The following ARL15 variants were observed in gnomAD, a reference collection of about 807,000 sequenced individuals.
ARL15 encodes ARF like GTPase 15, also known as ADP-ribosylation factor-like protein 15.
In ARL15, 19 loss-of-function variants were observed where a neutral mutation model predicts 25.2. The ratio of observed to expected loss-of-function variants is 0.75; its 90% CI spans 0.53 to 1.10. ARL15 has a LOEUF of 1.10. Among genes scored for constraint, ARL15 ranks in the 50% least tolerant of loss-of-function variants. The probability of loss-of-function intolerance (pLI) is 0.00; values close to 1 mark genes in which losing one functional copy is unlikely to be tolerated. For synonymous variants in ARL15, 94 were observed against 86.8 expected (o/e 1.08, Z -0.46); for missense variants, 220 against 246.0 (o/e 0.89, Z 0.71).
At chr5:54,086,519 G>C (rs1751970059) in intron 4 of ARL15, among the ~76,000 whole-genome samples, 1 of 151,024 alleles carries the variant, frequency 6.6e-6, no homozygotes, top group Non-Finnish European at 1.5e-5. Context: ...ATCAGGCTTT[G>C]TGTTGAAGAG....
chr5:54,209,299 T>C (rs538220369), intron 1 of ARL15, among the ~76,000 whole-genome samples: 1 of 150,748 alleles, frequency 6.6e-6, no homozygotes, highest in East Asian at 2.0e-4. Flanking sequence ...ATAAGTACAT[T>C]AACTAGAATG....
At chr5:53,997,916 C>T (rs80153277) in intron 4 of ARL15, among the ~76,000 whole-genome samples, 3,772 of 152,084 alleles carry the variant, frequency 0.025, 162 homozygotes, top group African/African-American at 0.087. Context: ...TTGTGATTAG[C>T]AAAGGGTCTT....
In ARL15 at chr5:54,305,800, G is replaced by A. The variant is rs556660527; in HGVS notation, c.48+4632C>T. Among the ~76,000 whole-genome samples the A allele has an allele frequency of 2.6e-5, 4 of 152,150 alleles. No individual in the cohort carries two copies. The East Asian group carries it at 5.8e-4, about 22-fold the overall frequency. On this transcript the variant is annotated intron_variant, in intron 1 of 4. Coordinates refer to ENST00000504924, the MANE Select transcript of ARL15 (RefSeq NM_019087.3). ...CTTTACTCACTTATTTTGAGACCTCGGTGGACCATGGTTAACTGAAACCTT... is the reference window on the plus strand; with the variant it reads ...CTTTACTCACTTATTTTGAGACCTCAGTGGACCATGGTTAACTGAAACCTT...
chr5:54,301,676 G>T (rs1220552774), intron 1 of ARL15, among the ~76,000 whole-genome samples: 5 of 152,194 alleles, frequency 3.3e-5, no homozygotes, highest in Admixed American at 3.3e-4. Flanking sequence ...TTAGGAACGG[G>T]TATAGACCTC....
chr5:54,006,120 CA>C (rs1439597340), intron 4 of ARL15, among the ~76,000 whole-genome samples: 1 of 149,380 alleles, frequency 6.7e-6, no homozygotes, highest in African/African-American at 2.5e-5. Flanking sequence ...CAAGTACTGG[CA>C]AACCCCTTTA....
intron 4 of ARL15, among the ~76,000 whole-genome samples, chr5:54,067,421 T>A (rs1751275422): frequency 6.6e-6 from 1 of 152,238 alleles, no homozygotes; most frequent in South Asian, 2.1e-4. Context: ...TAAGTATATA[T>A]GCCATGCTTG....
rs116383422 is a variant in ARL15 at position 54,262,552 on chromosome 5, A to G, written c.48+47880T>C. 4.5e-3 allele frequency among the ~76,000 whole-genome samples: 689 copies of G among 152,188 alleles called. 4 individuals carry two copies. The highest frequency in any genetic ancestry group is 0.016 in the African/African-American group (649 of 41,548). On this transcript the variant is annotated intron_variant, in intron 1 of 4. Transcript: ENST00000504924. ...CATTCCTGTTAATAACTATATTTCT[A>G]CTTCATATTTTATGTCTAGAGGTTG...
At chr5:53,889,003 A>G (rs1425957309) in intron 4 of ARL15, among the ~76,000 whole-genome samples, 1 of 152,222 alleles carries the variant, frequency 6.6e-6, no homozygotes, top group African/African-American at 2.4e-5. Context: ...AGTATGCAAC[A>G]TCCAAAATCT....
At position 54,060,520 on chromosome 5, in the gene ARL15, T is replaced by C. The variant is rs1751031985; in HGVS notation, c.462+52682A>G. Among the ~76,000 whole-genome samples the C allele has an allele frequency of 4.6e-5, 7 of 152,188 alleles. No homozygotes were observed. The South Asian group carries it at 1.4e-3, about 31-fold the overall frequency. Reference sequence around the variant, plus strand: ...GACAAACTCTTTTTGCCTGCTGCCATCCACGTAAGATGTGACTTGCTCCCC... The same window carrying C: ...GACAAACTCTTTTTGCCTGCTGCCACCCACGTAAGATGTGACTTGCTCCCC... On this transcript the variant is annotated intron_variant, in intron 4 of 4. Coordinates refer to ENST00000504924, the MANE Select transcript of ARL15 (RefSeq NM_019087.3).
At chr5:54,145,198 GGGCTTCACA>G (rs1251497562) in intron 3 of ARL15, among the ~76,000 whole-genome samples, 1 of 151,842 alleles carries the variant, frequency 6.6e-6, no homozygotes, top group Non-Finnish European at 1.5e-5. Flanking sequence ...TTAAATTTAA[GGGCTTCACA>G]CACTTGTACC....
At chr5:54,048,897 GGAGT>G (rs1750618410) in intron 4 of ARL15, among the ~76,000 whole-genome samples, 2 of 152,106 alleles carry the variant, frequency 1.3e-5, no homozygotes, top group South Asian at 4.2e-4. Context: ...AGTCAGAGCA[GGAGT>G]TAGTGGAGGT....
At chr5:54,064,205 G>A (rs1361489911) in intron 4 of ARL15, among the ~76,000 whole-genome samples, 1 of 148,988 alleles carries the variant, frequency 6.7e-6, no homozygotes, top group Admixed American at 6.7e-5. Context: ...GACTGGGCAA[G>A]TAAAAAAAGA....
chr5:54,146,956 T>C (rs1753930580), intron 3 of ARL15, among the ~76,000 whole-genome samples: 1 of 152,164 alleles, frequency 6.6e-6, no homozygotes, highest in African/African-American at 2.4e-5. Flanking sequence ...TCTGGGCCCC[T>C]AGATTCATTT....
At chr5:54,146,189 C>T (rs570261145) in intron 3 of ARL15, among the ~76,000 whole-genome samples, 1 of 151,608 alleles carries the variant, frequency 6.6e-6, no homozygotes, top group South Asian at 2.1e-4. Context: ...TGAGACTTAT[C>T]CAAATGTTTA....
Position 54,056,366 on chromosome 5 carries a change from T to TCGCAC in ARL15, c.462+56831_462+56835dup, listed in dbSNP as rs565924662. On this transcript the variant is annotated intron_variant, in intron 4 of 4. Transcript: ENST00000504924. ...TCTGATTCAGGCCAGGTGCAGTGGC[T>TCGCAC]CGCACCTGTAATCCCAGCACTTTGG... 8.0e-4 allele frequency among the ~76,000 whole-genome samples: 122 copies of TCGCAC among 152,190 alleles called. 1 individual carries two copies. Among genetic ancestry groups the TCGCAC allele is most frequent in the Middle Eastern group, 3.4e-3 (1 of 294 alleles).
chr5:53,995,821 T>C (rs1185923048), intron 4 of ARL15, among the ~76,000 whole-genome samples: 1 of 143,800 alleles, frequency 7.0e-6, no homozygotes, highest in East Asian at 2.3e-4. Flanking sequence ...TCCCATACGT[T>C]CCCCAAAGTC....
intron 1 of ARL15, among the ~76,000 whole-genome samples, chr5:54,257,771 G>T (rs969967029): frequency 2.6e-5 from 4 of 152,268 alleles, no homozygotes; most frequent in Admixed American, 6.5e-5. Context: ...TCTATTCCAA[G>T]CCCACACAAA....
intron 4 of ARL15, among the ~76,000 whole-genome samples, chr5:54,090,215 A>T (rs768668332): frequency 9.2e-5 from 14 of 152,210 alleles, no homozygotes; most frequent in Non-Finnish European, 2.1e-4. Flanking sequence ...GATACACTCA[A>T]TATGATGGAA....
intron 4 of ARL15, among the ~76,000 whole-genome samples, chr5:53,985,739 C>T (rs530287047): frequency 6.6e-5 from 10 of 152,292 alleles, no homozygotes; most frequent in African/African-American, 1.7e-4. Flanking sequence ...GTTGCCTCTA[C>T]GTTTTAGCTA....
Sources: allele counts gnomAD v4.1 joint callset (sites outside exome capture counted in the v4.1 genomes callset), GRCh38; gene constraint gnomAD v4.1.1; transcripts MANE v1.5; gene names NCBI Gene and HGNC (gene_info 2026-07-23, HGNC 2026-07-21).